Variants in ZNF695 observed in about 807,000 individuals in gnomAD.
ZNF695 encodes the protein zinc finger protein 695.
In ZNF695, 11 loss-of-function variants were observed where a neutral mutation model predicts 11.2. That is an observed-to-expected ratio of 0.98 (90% CI 0.62 to 1.62). ZNF695 has a LOEUF of 1.62. Among genes scored for constraint, ZNF695 ranks in the 40% most tolerant of loss-of-function variants. The pLI is 0.00. For missense variants in ZNF695, 559 were observed against 590.5 expected (o/e 0.95, Z 0.55); for synonymous variants, 190 against 201.4 (o/e 0.94, Z 0.48).
At position 246,987,642 on chromosome 1, in the gene ZNF695, A is replaced by C; in HGVS notation, c.873T>G (p.Thr291=). The change falls in exon 4 of 4, where the codon ACT becomes ACG. Residue 291 remains threonine (T), a synonymous_variant. Transcript: ENST00000339986. ...CTTCACATTTGTATGGTTTCTCTCCAGTATGAATTTTCTTATGTTTAGTAA... is the reference window on the plus strand; with the variant it reads ...CTTCACATTTGTATGGTTTCTCTCCCGTATGAATTTTCTTATGTTTAGTAA... The part of the protein sequence containing the change: ...SVLTKHKKIH[T]GEKPYKCEEC... The C allele has an allele frequency of 6.2e-7, 1 of 1,603,864 alleles. No individual in the cohort carries two copies. The highest frequency in any genetic ancestry group is 8.5e-7 in the Non-Finnish European group (1 of 1,176,258).
At chr1:246,967,795 G>A (rs879936571) in intron 4 of ZNF695, 6 of 346,234 alleles carry the variant, frequency 1.7e-5, no homozygotes, top group African/African-American at 1.3e-4. Flanking sequence ...TCACATGGCT[G>A]GCAGGAGAGA....
At position 246,986,676 on chromosome 1, in the gene ZNF695, C is replaced by A; in HGVS notation, c.*291G>T. 9.0e-7 allele frequency: 1 copy of A among 1,105,576 alleles called. No homozygotes were observed. The highest frequency in any genetic ancestry group is 1.1e-6 in the Non-Finnish European group (1 of 907,508). The allele number at this position is 1,105,576 out of a possible 1,614,324, so 68.5% of individuals were successfully genotyped here. A position where few individuals can be genotyped will look rare whatever the true frequency, so the allele number is the denominator to read the frequency against. On this transcript the variant is annotated 3_prime_UTR_variant, in exon 4 of 4. Transcript: ENST00000339986. Reference sequence around the variant, plus strand: ...TTATTACATTTGTAGGGTTTCTCTCCAATACAAAGTCTTTGAAATTGAATA... The same window carrying A: ...TTATTACATTTGTAGGGTTTCTCTCAAATACAAAGTCTTTGAAATTGAATA...
At chr1:246,978,852 AATG>A (rs35611655) in intron 4 of ZNF695, among the ~76,000 whole-genome samples, 80,157 of 151,838 alleles carry the variant, frequency 0.53, 25,178 homozygotes, top group East Asian at 0.97. Flanking sequence ...TTGTCGGGGA[AATG>A]ACTTGAAGAA....
chr1:246,994,560 G>A (rs1306198548), intron 3 of ZNF695, among the ~76,000 whole-genome samples: 1 of 150,620 alleles, frequency 6.6e-6, no homozygotes, highest in African/African-American at 2.4e-5. Context: ...AAACAAAGCC[G>A]GGCGTGGTGG....
At chr1:246,945,708 T>C (rs1046701656) in exon 6 of ZNF695, 5 of 1,402,954 alleles carry the variant, frequency 3.6e-6, no homozygotes, top group Non-Finnish European at 4.9e-6. Flanking sequence ...GAACTCGGGC[T>C]GACGCAGCTG....
At chr1:246,995,403 C>T (rs1482653042) in intron 3 of ZNF695, among the ~76,000 whole-genome samples, 1 of 152,170 alleles carries the variant, frequency 6.6e-6, no homozygotes, top group Non-Finnish European at 1.5e-5. Context: ...GCAATCCTCT[C>T]AAGTTCACAA....
At chr1:246,956,193 T>C (rs1046738553) in intron 5 of ZNF695, among the ~76,000 whole-genome samples, 2 of 151,268 alleles carry the variant, frequency 1.3e-5, no homozygotes, top group Non-Finnish European at 2.9e-5. Flanking sequence ...TTTCACCAAG[T>C]TGGCCAGGCT....
Position 246,999,395 on chromosome 1 carries a change from C to T in ZNF695, c.212G>A (p.Arg71Lys). 6.2e-7 allele frequency: 1 copy of T among 1,614,068 alleles called. No homozygotes were observed. The highest frequency in any genetic ancestry group is 1.3e-5 in the African/African-American group (1 of 75,020). ...TGTGTTCACGTTCCAGGGCTCTTTC[C>T]TTGCCTCCAGACAGATGATCAGTTC... ...KPELIICLEA[R>K]KEPWNVNTEK... Residue 71 changes from arginine to lysine, a missense_variant, in exon 3 of 4, where the codon AGG becomes AAG. By Grantham distance (26) the Arg-to-Lys change is conservative. Coordinates refer to ENST00000339986, the MANE Select transcript of ZNF695 (RefSeq NM_020394.5).
chr1:247,000,311 C>A (rs1474823737), intron 1 of ZNF695, among the ~76,000 whole-genome samples: 1 of 152,142 alleles, frequency 6.6e-6, no homozygotes, highest in East Asian at 1.9e-4. Context: ...TCAAGACCAG[C>A]CTGGCCAACA....
intron 5 of ZNF695, among the ~76,000 whole-genome samples, chr1:246,950,646 G>A (rs1235423134): frequency 1.9e-4 from 9 of 47,604 alleles, no homozygotes; most frequent in East Asian, 8.4e-4. Flanking sequence ...GCGAAACTCC[G>A]TTTCAAAAAA....
At chr1:247,002,852 A>T (rs1313638311) in intron 1 of ZNF695, among the ~76,000 whole-genome samples, 1 of 152,250 alleles carries the variant, frequency 6.6e-6, no homozygotes, top group Non-Finnish European at 1.5e-5. Flanking sequence ...CACATGGCCA[A>T]CATGCATATG....
chr1:247,007,775 G>T, intron 1 of ZNF695, 131 bp downstream of exon 1: 2 of 1,074,650 alleles, frequency 1.9e-6, no homozygotes, highest in East Asian at 2.9e-5. Context: ...AGCTGCGCCA[G>T]CGGGACTCGG....
intron 5 of ZNF695, among the ~76,000 whole-genome samples, chr1:246,957,461 C>T (rs1003767521): frequency 4.0e-5 from 6 of 151,608 alleles, no homozygotes; most frequent in African/African-American, 2.4e-5. Flanking sequence ...TATAAGAAAA[C>T]TTTAATCTTC....
intron 5 of ZNF695, among the ~76,000 whole-genome samples, chr1:246,959,310 A>AATATATATATATATATATAT (rs1158852538): frequency 3.9e-5 from 2 of 51,254 alleles, no homozygotes. Flanking sequence ...AAAAAAAAAA[A>AATATATATATATATATATAT]ATATATATAT....
At position 246,971,496 on chromosome 1, in the gene ZNF695, C is replaced by T. The variant is rs554728167; in HGVS notation, c.391-3704G>A. 2.6e-5 allele frequency among the ~76,000 whole-genome samples: 4 copies of T among 152,214 alleles called. No homozygotes were observed. The South Asian group carries it at 6.2e-4, about 24-fold the overall frequency. On this transcript the variant is annotated intron_variant, in intron 4 of 5. Coordinates refer to the ZNF695 transcript ENST00000487338. Reference sequence around the variant, plus strand: ...AAGGGAGACTCCCTTTCCTGGTCTGCTAAGTAACGGGAGCCTTCCCCAGGC... The same window carrying T: ...AAGGGAGACTCCCTTTCCTGGTCTGTTAAGTAACGGGAGCCTTCCCCAGGC...
intron 4 of ZNF695, chr1:246,967,973 G>C (rs1668331863): frequency 6.1e-6 from 1 of 164,842 alleles, no homozygotes; most frequent in African/African-American, 2.4e-5. Context: ...TTTGGGTGGG[G>C]ACACAGAGCC....
rs1231730755 is a variant in ZNF695, at chr1:246,971,660, T to C, written c.391-3868A>G. Among the ~76,000 whole-genome samples the C allele has an allele frequency of 2.0e-5, 3 of 152,240 alleles. No homozygotes were observed. The East Asian group carries it at 5.8e-4, about 29-fold the overall frequency. On this transcript the variant is annotated intron_variant, in intron 4 of 5. Transcript: ENST00000487338. Reference sequence around the variant, plus strand: ...CTGTTTGGCCTGGTTTTTCCTAGGTTATACTGTAAAACAAAGATTATTATA... The same window carrying C: ...CTGTTTGGCCTGGTTTTTCCTAGGTCATACTGTAAAACAAAGATTATTATA...
intron 4 of ZNF695, among the ~76,000 whole-genome samples, chr1:246,977,857 T>C (rs1361958851): frequency 6.6e-6 from 1 of 152,228 alleles, no homozygotes; most frequent in Non-Finnish European, 1.5e-5. Context: ...TGAAATGGTC[T>C]ACACCTGGTC....
intron 4 of ZNF695, among the ~76,000 whole-genome samples, chr1:246,978,063 A>G (rs115861282): frequency 1.7e-3 from 266 of 152,362 alleles, no homozygotes; most frequent in Non-Finnish European, 3.4e-3. Flanking sequence ...GGAGCAGAAC[A>G]CTATCACTCG....
Sources: allele counts gnomAD v4.1 joint callset (sites outside exome capture counted in the v4.1 genomes callset), GRCh38; gene constraint gnomAD v4.1.1; transcripts MANE v1.5; gene names NCBI Gene and HGNC (gene_info 2026-07-23, HGNC 2026-07-21).